SPON1: variants seen among roughly 807,000 people sequenced by gnomAD.
The protein encoded by SPON1 is spondin-1.
Under a neutral mutation model 111.7 loss-of-function variants are expected in SPON1, and 52 were observed. The observed-to-expected ratio is 0.47, with a 90% confidence interval of 0.37 to 0.59. SPON1 has a LOEUF of 0.59. SPON1 is among the 20% of genes least tolerant of loss of function. The probability of loss-of-function intolerance (pLI) is 0.00; values close to 1 mark genes in which losing one functional copy is unlikely to be tolerated. For synonymous variants in SPON1, 410 were observed against 395.8 expected, an observed-to-expected ratio of 1.04 and a Z score of -0.43; for missense variants, 957 against 1,068.5, an observed-to-expected ratio of 0.90 and a Z score of 1.46.
intron 5 of SPON1, among the ~76,000 whole-genome samples, chr11:14,106,425 A>G (rs894269032): frequency 3.9e-5 from 6 of 152,280 alleles, no homozygotes; most frequent in South Asian, 4.1e-4. Flanking sequence ...TATGTACTTA[A>G]GTTTTCCAAA....
chr11:14,147,275 C>T (rs1360762935), intron 6 of SPON1, among the ~76,000 whole-genome samples: 2 of 151,762 alleles, frequency 1.3e-5, no homozygotes, highest in Non-Finnish European at 2.9e-5. Context: ...CTCAGGTGAT[C>T]CACCTGCCTT....
intron 7 of SPON1, among the ~76,000 whole-genome samples, chr11:14,244,305 G>C (rs1186456239): frequency 1.3e-5 from 2 of 152,178 alleles, no homozygotes; most frequent in African/African-American, 4.8e-5. Flanking sequence ...AGATCACGAG[G>C]TCAGGAGATC....
chr11:13,981,230 A>G (rs1413136331), intron 1 of SPON1, among the ~76,000 whole-genome samples: 1 of 152,332 alleles, frequency 6.6e-6, no homozygotes, highest in African/African-American at 2.4e-5. Flanking sequence ...AAAATACTGC[A>G]ATAAAAGATT....
At chr11:13,968,358 A>G (rs999127533) in intron 1 of SPON1, among the ~76,000 whole-genome samples, 3 of 152,134 alleles carry the variant, frequency 2.0e-5, no homozygotes, top group Admixed American at 1.3e-4. Flanking sequence ...ATCTTCTTGC[A>G]CTCTGCTGTG....
At chr11:14,191,011 T>TAAAAAAAAAAAAAAAA (rs1564927675) in intron 6 of SPON1, among the ~76,000 whole-genome samples, 2 of 151,416 alleles carry the variant, frequency 1.3e-5, no homozygotes, top group African/African-American at 4.9e-5. Flanking sequence ...CATCACTTGG[T>TAAAAAAAAAAAAAAAA]ATATAAAGAA....
At position 14,259,637 on chromosome 11, in the gene SPON1, C is replaced by T. The variant is rs782614810; in HGVS notation, c.1767C>T (p.Pro589=). Residue 589 remains proline (P), a synonymous_variant, in exon 13 of 16, where the codon CCC becomes CCT. Transcript: ENST00000576479. The surrounding 1 kb of genome is among the most constrained non-coding windows in gnomAD (Gnocchi z 5.0). ...GGCACCGCATGATCAAGATGAACCC[C>T]GCAGATGGCTCCATGTGCAAAGCCG... The part of the protein sequence containing the change: ...KKRHRMIKMN[P]ADGSMCKAET... 41 of 1,564,836 alleles carry T rather than the reference C, an allele frequency of 2.6e-5. No homozygotes were observed. Among genetic ancestry groups the T allele is most frequent in the South Asian group, 2.4e-4 (20 of 84,682 alleles).
At chr11:14,196,671 G>T (rs1258337134) in intron 6 of SPON1, among the ~76,000 whole-genome samples, 1 of 152,164 alleles carries the variant, frequency 6.6e-6, no homozygotes, top group African/African-American at 2.4e-5. Context: ...GTTTCCCCTA[G>T]GTGTTTCCCT....
chr11:14,071,962 G>A (rs1848880659), intron 3 of SPON1, among the ~76,000 whole-genome samples: 1 of 152,174 alleles, frequency 6.6e-6, no homozygotes, highest in Non-Finnish European at 1.5e-5. Flanking sequence ...GCCTCCCAAA[G>A]TGCTGGGATT....
chr11:14,004,109 G>T (rs561219098), intron 2 of SPON1, among the ~76,000 whole-genome samples: 4 of 152,190 alleles, frequency 2.6e-5, no homozygotes, highest in Non-Finnish European at 5.9e-5. Context: ...AGAATGGCAA[G>T]ATCTCTTTCT....
intron 6 of SPON1, among the ~76,000 whole-genome samples, chr11:14,196,461 T>C (rs538751238): frequency 4.6e-5 from 7 of 152,244 alleles, no homozygotes; most frequent in East Asian, 1.9e-4. Flanking sequence ...AGAGGTAAAT[T>C]GTATGTTATA....
At chr11:14,044,867 A>G (rs1484038083) in intron 3 of SPON1, among the ~76,000 whole-genome samples, 4 of 152,232 alleles carry the variant, frequency 2.6e-5, no homozygotes, top group Non-Finnish European at 5.9e-5. Flanking sequence ...GGGTCAGTAC[A>G]TACAAAGCTA....
intron 5 of SPON1, among the ~76,000 whole-genome samples, chr11:14,114,242 C>T (rs1849250458): frequency 6.6e-6 from 1 of 152,170 alleles, no homozygotes; most frequent in Admixed American, 6.5e-5. Context: ...CATCCTTCAA[C>T]TCTATGTCTA....
At position 14,247,813 on chromosome 11, in the gene SPON1, T is replaced by C. The variant is rs1264690447; in HGVS notation, c.890+4417T>C. Among the ~76,000 whole-genome samples, 3 of 152,222 alleles carry C rather than the reference T, an allele frequency of 2.0e-5. 1 individual carries two copies. In the East Asian group the frequency reaches 5.8e-4, roughly 29 times the overall value. On this transcript the variant is annotated intron_variant, in intron 7 of 15. Transcript: ENST00000576479. Reference sequence around the variant, plus strand: ...CAGTTCTAAGTGTAAGTTGTTAAGATGTATTCAAGATTTCCAGTTAGAGGT... The same window carrying C: ...CAGTTCTAAGTGTAAGTTGTTAAGACGTATTCAAGATTTCCAGTTAGAGGT...
chr11:13,971,682 A>G (rs1848064431), intron 1 of SPON1, among the ~76,000 whole-genome samples: 1 of 152,034 alleles, frequency 6.6e-6, no homozygotes, highest in Admixed American at 6.6e-5. Flanking sequence ...ATGCTTCCCC[A>G]TCACCACCTC....
intron 6 of SPON1, among the ~76,000 whole-genome samples, chr11:14,162,993 A>C (rs1554931541): frequency 6.6e-6 from 1 of 152,220 alleles, no homozygotes; most frequent in South Asian, 2.1e-4. Flanking sequence ...TATTTTGCTT[A>C]ATCTTGGGTT....
chr11:14,038,763 A>T (rs1848612415), intron 2 of SPON1, among the ~76,000 whole-genome samples: 1 of 152,244 alleles, frequency 6.6e-6, no homozygotes, highest in Non-Finnish European at 1.5e-5. Context: ...GAAATGCAAA[A>T]TGGTAAAGCT....
chr11:14,080,107 T>A (rs1848950029), intron 5 of SPON1, 86 bp downstream of exon 5: 9 of 1,496,820 alleles, frequency 6.0e-6, no homozygotes, highest in Non-Finnish European at 8.3e-6. Flanking sequence ...CTGCAGCATG[T>A]CAGATCTGCT....
chr11:14,254,781 G>A, intron 8 of SPON1, 52 bp downstream of exon 8: 1 of 1,555,150 alleles, frequency 6.4e-7, no homozygotes, highest in Non-Finnish European at 8.8e-7. Context: ...CCCGCTTCCT[G>A]AGTGTCCTGG....
At chr11:14,205,489 A>G (rs1848508004) in intron 6 of SPON1, among the ~76,000 whole-genome samples, 1 of 152,222 alleles carries the variant, frequency 6.6e-6, no homozygotes, top group African/African-American at 2.4e-5. Context: ...CCACATTCTC[A>G]TAACCAACTC....
Sources: gnomAD v4.1 joint callset for allele counts (sites outside exome capture counted in the v4.1 genomes callset) on GRCh38, gnomAD v4.1.1 for gene constraint, Gnocchi (gnomAD v3.1) non-coding constraint, MANE v1.5 for transcripts, NCBI Gene and HGNC (gene_info 2026-07-23, HGNC 2026-07-21) for gene names.